Variants in HERC6 observed in about 807,000 individuals in gnomAD.
The protein encoded by HERC6 is HECT and RLD domain containing E3 ubiquitin protein ligase family member 6.
A neutral mutation model predicts 114.5 loss-of-function variants in HERC6; 101 were observed. That is an observed-to-expected ratio of 0.88 (90% confidence interval 0.75 to 1.04). The LOEUF (loss-of-function observed/expected upper bound fraction) is 1.04, where lower values mean the gene tolerates loss of function less well. Ranked by LOEUF, HERC6 falls within the 50% of genes least tolerant of loss-of-function variation. The pLI is 0.00. For missense variants in HERC6, 1,133 were observed against 1,230.9 expected (o/e 0.92, Z 1.19); for synonymous variants, 408 against 436.2 (o/e 0.94, Z 0.81).
At position 88,413,283 on chromosome 4, in the gene HERC6, T is replaced by C. The variant is rs1431170555; in HGVS notation, c.1558+17T>C. On this transcript the variant is annotated intron_variant, in intron 12 of 22. Transcript: ENST00000264346. ...AAGTCCTAAGTAAGTTTTATGTCACTTTATCTGTACTCTCAATATAGAGTC... is the reference window on the plus strand; with the variant it reads ...AAGTCCTAAGTAAGTTTTATGTCACCTTATCTGTACTCTCAATATAGAGTC... 3 of 1,594,414 alleles carry C rather than the reference T, an allele frequency of 1.9e-6. No individual in the cohort carries two copies. Among genetic ancestry groups the C allele is most frequent in the Non-Finnish European group, 2.6e-6 (3 of 1,165,466 alleles).
intron 1 of HERC6, among the ~76,000 whole-genome samples, chr4:88,381,232 G>A (rs1031972607): frequency 1.2e-4 from 18 of 151,904 alleles, no homozygotes; most frequent in African/African-American, 4.1e-4. Context: ...TAGGTTCAGC[G>A]GCTGGGTCCT....
intron 11 of HERC6, 82 bp downstream of exon 11, chr4:88,408,699 A>G (rs1266612241): frequency 1.8e-5 from 17 of 921,870 alleles, no homozygotes; most frequent in South Asian, 4.3e-5. Context: ...GATGGGAACT[A>G]TGATTGTAAT....
At chr4:88,411,037 A>C (rs774201684) in intron 11 of HERC6, among the ~76,000 whole-genome samples, 2 of 152,192 alleles carry the variant, frequency 1.3e-5, no homozygotes, top group African/African-American at 2.4e-5. Flanking sequence ...CAGTTAGTAA[A>C]ATAATCTTTA....
chr4:88,394,114 A>T (rs1045241363), intron 5 of HERC6, among the ~76,000 whole-genome samples: 1 of 152,200 alleles, frequency 6.6e-6, no homozygotes, highest in Non-Finnish European at 1.5e-5. Context: ...AACATAAATC[A>T]TAAGGTTTTC....
At chr4:88,441,995 T>A (rs138535271) in intron 22 of HERC6, among the ~76,000 whole-genome samples, 233 of 152,310 alleles carry the variant, frequency 1.5e-3, no homozygotes, top group African/African-American at 4.5e-3. Context: ...ATGAGCTAAA[T>A]AAACTTCCTT....
chr4:88,406,420 G>A (rs979436363), intron 10 of HERC6, among the ~76,000 whole-genome samples: 1 of 152,164 alleles, frequency 6.6e-6, no homozygotes, highest in Non-Finnish European at 1.5e-5. Context: ...AACCCTCTTG[G>A]CAGTCCCATT....
At chr4:88,439,394 A>G (rs1560579628) in intron 20 of HERC6, among the ~76,000 whole-genome samples, 1 of 151,658 alleles carries the variant, frequency 6.6e-6, no homozygotes, top group African/African-American at 2.4e-5. Flanking sequence ...AGAAAGAAAG[A>G]AAAGGGAAGG....
chr4:88,424,983 A>G (rs538921401), intron 15 of HERC6, among the ~76,000 whole-genome samples: 1 of 152,338 alleles, frequency 6.6e-6, no homozygotes, highest in East Asian at 1.9e-4. Flanking sequence ...TGGCAACCAC[A>G]TGATTCTTTC....
chr4:88,399,544 G>A (rs1318552020), intron 8 of HERC6: 5 of 152,340 alleles, frequency 3.3e-5, no homozygotes, highest in Non-Finnish European at 7.3e-5. Flanking sequence ...GCCGAGGCAG[G>A]CGGATCACTT....
At chr4:88,392,798 AG>A (rs746588043) in intron 4 of HERC6, among the ~76,000 whole-genome samples, 16 of 152,328 alleles carry the variant, frequency 1.1e-4, no homozygotes, top group Admixed American at 4.6e-4. Flanking sequence ...CCTTGCAGTC[AG>A]GGTGGCTTAT....
chr4:88,394,676 C>T (rs1226926153), intron 5 of HERC6, among the ~76,000 whole-genome samples: 1 of 151,218 alleles, frequency 6.6e-6, no homozygotes, highest in African/African-American at 2.4e-5. Flanking sequence ...TCCCAAGTGG[C>T]TGGGATTACA....
intron 20 of HERC6, among the ~76,000 whole-genome samples, chr4:88,439,658 G>C (rs1230108190): frequency 3.3e-5 from 5 of 152,174 alleles, no homozygotes; most frequent in Non-Finnish European, 4.4e-5. Flanking sequence ...AGTGAGGAAA[G>C]TGAGCCAAAT....
At chr4:88,439,818 A>G in intron 20 of HERC6, 56 bp from the exon 21 acceptor site, 1 of 1,311,484 alleles carries the variant, frequency 7.6e-7, no homozygotes, top group Non-Finnish European at 1.0e-6. Context: ...AAAATCTTTT[A>G]ATCATTGGCC....
At chr4:88,401,469 C>T (rs142035498) in intron 8 of HERC6, among the ~76,000 whole-genome samples, 35 of 136,196 alleles carry the variant, frequency 2.6e-4, no homozygotes, top group African/African-American at 8.6e-4. Context: ...CCAGCCTGGG[C>T]GACAGAACGA....
intron 3 of HERC6, among the ~76,000 whole-genome samples, chr4:88,388,210 C>T (rs1229361629): frequency 1.3e-5 from 2 of 151,666 alleles, no homozygotes; most frequent in Non-Finnish European, 2.9e-5. Context: ...TCACTTGAGG[C>T]CAGGAGTTCG....
intron 18 of HERC6, 56 bp from the exon 19 acceptor site, chr4:88,436,849 T>C (rs911641978): frequency 1.6e-6 from 2 of 1,212,522 alleles, no homozygotes; most frequent in African/African-American, 3.1e-5. Flanking sequence ...TGAAAATTAC[T>C]TGTGAAACTT....
intron 5 of HERC6, among the ~76,000 whole-genome samples, chr4:88,394,698 C>T (rs1362325063): frequency 6.6e-6 from 1 of 151,422 alleles, no homozygotes; most frequent in Non-Finnish European, 1.5e-5. Context: ...GCGTGTGCCA[C>T]CACGCCTGGC....
chr4:88,427,533 G>T (rs566261465), intron 15 of HERC6, among the ~76,000 whole-genome samples: 29 of 151,896 alleles, frequency 1.9e-4, no homozygotes, highest in African/African-American at 7.0e-4. Context: ...TACAAATCTG[G>T]TGCCTAAAAA....
At chr4:88,430,307 G>A (rs1738055380) in intron 16 of HERC6, among the ~76,000 whole-genome samples, 1 of 152,050 alleles carries the variant, frequency 6.6e-6, no homozygotes, top group African/African-American at 2.4e-5. Flanking sequence ...AAGAGGGACT[G>A]GGGCCAGGTG....
Sources: gnomAD v4.1 joint callset for allele counts (sites outside exome capture counted in the v4.1 genomes callset) on GRCh38, gnomAD v4.1.1 for gene constraint, MANE v1.5 for transcripts, NCBI Gene and HGNC (gene_info 2026-07-23, HGNC 2026-07-21) for gene names.